The following NALF1 variants were observed in gnomAD, a reference collection of about 807,000 sequenced individuals.
NALF1 encodes family with sequence similarity 155 member A.
A neutral mutation model predicts 48.4 loss-of-function variants in NALF1; 3 were observed. The observed-to-expected ratio is 0.06, with a 90% CI of 0.03 to 0.16. NALF1 has a LOEUF of 0.16. Among genes scored for constraint, NALF1 ranks in the 10% least tolerant of loss-of-function variants. NALF1 has a pLI of 1.00. For missense variants in NALF1, 526 were observed against 571.5 expected, an observed-to-expected ratio of 0.92 and a Z score of 0.81; for synonymous variants, 262 against 245.7, an observed-to-expected ratio of 1.07 and a Z score of -0.62.
intron 1 of NALF1, among the ~76,000 whole-genome samples, chr13:107,448,538 T>C (rs1007553766): frequency 3.3e-5 from 5 of 152,168 alleles, no homozygotes; most frequent in African/African-American, 1.2e-4. Flanking sequence ...GGAAGGGTAA[T>C]GTCCAGGAGG....
chr13:107,337,964 C>G (rs1328115661), intron 1 of NALF1, among the ~76,000 whole-genome samples: 1 of 152,146 alleles, frequency 6.6e-6, no homozygotes, highest in Non-Finnish European at 1.5e-5. Context: ...ATTGTGGTGT[C>G]TGTGGTTATG....
chr13:107,245,701 C>T (rs941813361), intron 1 of NALF1, among the ~76,000 whole-genome samples: 1 of 152,022 alleles, frequency 6.6e-6, no homozygotes, highest in African/African-American at 2.4e-5. Flanking sequence ...TCATATTGTT[C>T]AATTGTTTTT....
intron 1 of NALF1, among the ~76,000 whole-genome samples, chr13:107,515,706 A>C (rs891494388): frequency 6.6e-6 from 1 of 152,210 alleles, no homozygotes; most frequent in Admixed American, 6.5e-5. Flanking sequence ...GCATCTTCAC[A>C]ACCCTGTACA....
intron 1 of NALF1, among the ~76,000 whole-genome samples, chr13:107,701,189 G>A (rs1327468899): frequency 6.6e-6 from 1 of 152,158 alleles, no homozygotes; most frequent in Non-Finnish European, 1.5e-5. Flanking sequence ...TCACTCTCAT[G>A]TGCATTGCAG....
intron 1 of NALF1, among the ~76,000 whole-genome samples, chr13:107,627,922 A>G (rs1184719040): frequency 1.3e-5 from 2 of 152,136 alleles, no homozygotes; most frequent in Non-Finnish European, 2.9e-5. Context: ...AAACTAAAAA[A>G]ATAATAATAA....
At chr13:107,477,544 A>C (rs1011246166) in intron 1 of NALF1, among the ~76,000 whole-genome samples, 4 of 151,970 alleles carry the variant, frequency 2.6e-5, no homozygotes, top group Non-Finnish European at 5.9e-5. Context: ...AAAATTACTG[A>C]AAGTCATCTT....
intron 1 of NALF1, among the ~76,000 whole-genome samples, chr13:107,369,342 T>C (rs1566497664): frequency 1.3e-5 from 2 of 152,108 alleles, no homozygotes; most frequent in African/African-American, 2.4e-5. Flanking sequence ...GTGATTTAAA[T>C]ACACATAAAT....
chr13:107,572,811 T>A (rs1379374836), intron 1 of NALF1, among the ~76,000 whole-genome samples: 1 of 152,198 alleles, frequency 6.6e-6, no homozygotes, highest in Non-Finnish European at 1.5e-5. Flanking sequence ...TGTTAATTTA[T>A]CTCTTTTAAA....
chr13:107,776,496 G>C (rs1877733703), intron 1 of NALF1, among the ~76,000 whole-genome samples: 1 of 152,142 alleles, frequency 6.6e-6, no homozygotes, highest in Non-Finnish European at 1.5e-5. Flanking sequence ...ACAACGCGGT[G>C]AACACTATCA....
At chr13:107,708,534 G>T (rs551054233) in intron 1 of NALF1, among the ~76,000 whole-genome samples, 40 of 129,834 alleles carry the variant, frequency 3.1e-4, no homozygotes, top group Admixed American at 2.3e-3. Flanking sequence ...TATTTTAAGA[G>T]AGATATAGGT....
At chr13:107,252,336 C>T (rs1880719169) in intron 1 of NALF1, among the ~76,000 whole-genome samples, 1 of 151,566 alleles carries the variant, frequency 6.6e-6, no homozygotes, top group South Asian at 2.1e-4. Flanking sequence ...AGTTGCTTCT[C>T]CTGGGACAGG....
At chr13:107,570,704 T>C (rs975646630) in intron 1 of NALF1, among the ~76,000 whole-genome samples, 85 of 151,894 alleles carry the variant, frequency 5.6e-4, no homozygotes, top group African/African-American at 1.6e-3. Flanking sequence ...AAGCATATCA[T>C]TGGTACATAA....
chr13:107,836,659 AG>A (rs1879897842), intron 1 of NALF1, among the ~76,000 whole-genome samples: 1 of 152,194 alleles, frequency 6.6e-6, no homozygotes, highest in African/African-American at 2.4e-5. Flanking sequence ...GTGTATATGA[AG>A]GGTACTTAAC....
intron 1 of NALF1, among the ~76,000 whole-genome samples, chr13:107,212,173 A>T (rs928040716): frequency 2.6e-5 from 4 of 152,212 alleles, no homozygotes; most frequent in Admixed American, 2.6e-4. Context: ...TATTCATAAC[A>T]TTAGGTTGAT....
At chr13:107,366,818 A>G (rs1039352762) in intron 1 of NALF1, among the ~76,000 whole-genome samples, 2 of 152,176 alleles carry the variant, frequency 1.3e-5, no homozygotes, top group Non-Finnish European at 2.9e-5. Context: ...CAGTTTCCAC[A>G]TTATTTTCCA....
intron 1 of NALF1, among the ~76,000 whole-genome samples, chr13:107,713,385 T>C (rs1441479352): frequency 1.3e-5 from 2 of 152,232 alleles, no homozygotes; most frequent in African/African-American, 4.8e-5. Context: ...AATATAATGA[T>C]ATCAACATGT....
At chr13:107,532,833 G>A (rs1366356903) in intron 1 of NALF1, among the ~76,000 whole-genome samples, 1 of 131,300 alleles carries the variant, frequency 7.6e-6, no homozygotes, top group Non-Finnish European at 1.7e-5. Flanking sequence ...ATAATTTTGT[G>A]CTAGTTTCTA....
At chr13:107,627,308 T>C (rs1303346626) in intron 1 of NALF1, among the ~76,000 whole-genome samples, 1 of 152,130 alleles carries the variant, frequency 6.6e-6, no homozygotes, top group East Asian at 1.9e-4. Flanking sequence ...CTACACCAGC[T>C]TGATTCTATC....
At chr13:107,405,541 C>G (rs1883884797) in intron 1 of NALF1, among the ~76,000 whole-genome samples, 1 of 151,972 alleles carries the variant, frequency 6.6e-6, no homozygotes, top group Non-Finnish European at 1.5e-5. Flanking sequence ...TTCTTTTGAG[C>G]AGCTAATCTT....
Sources: gnomAD v4.1 joint callset for allele counts (sites outside exome capture counted in the v4.1 genomes callset) on GRCh38, gnomAD v4.1.1 for gene constraint, MANE v1.5 for transcripts, NCBI Gene and HGNC (gene_info 2026-07-23, HGNC 2026-07-21) for gene names.